PPM1E: variants seen among roughly 807,000 people sequenced by gnomAD.
The protein encoded by PPM1E is protein phosphatase 1E.
Under a neutral mutation model 65.9 loss-of-function variants are expected in PPM1E, and 20 were observed. That is an observed-to-expected ratio of 0.30 (90% CI 0.21 to 0.44). The LOEUF (loss-of-function observed/expected upper bound fraction) is 0.44, where lower values mean the gene tolerates loss of function less well. Ranked by LOEUF, PPM1E falls within the 20% of genes least tolerant of loss-of-function variation. The pLI is 1.00. For missense variants in PPM1E, 713 were observed against 953.1 expected, an observed-to-expected ratio of 0.75 and a Z score of 3.32; for synonymous variants, 352 against 374.9, an observed-to-expected ratio of 0.94 and a Z score of 0.70.
intron 1 of PPM1E, among the ~76,000 whole-genome samples, chr17:58,837,003 G>A (rs1164417896): frequency 7.3e-6 from 1 of 136,450 alleles, no homozygotes; most frequent in African/African-American, 2.7e-5. Flanking sequence ...CTGGGCGACA[G>A]AGCGAAACTC....
chr17:58,872,288 G>A (rs1250477160), intron 1 of PPM1E, among the ~76,000 whole-genome samples: 2 of 152,106 alleles, frequency 1.3e-5, no homozygotes, highest in South Asian at 2.1e-4. Context: ...TAAAGTGAGA[G>A]GCTGTCTCAA....
chr17:58,868,915 C>A (rs895482439), intron 1 of PPM1E, among the ~76,000 whole-genome samples: 5 of 152,082 alleles, frequency 3.3e-5, no homozygotes, highest in African/African-American at 1.2e-4. Context: ...ATCTGTAATC[C>A]CAGCACTTTG....
intron 1 of PPM1E, among the ~76,000 whole-genome samples, chr17:58,885,450 T>C (rs2051254540): frequency 6.6e-6 from 1 of 152,250 alleles, no homozygotes; most frequent in South Asian, 2.1e-4. Context: ...TGACCTTTGG[T>C]AGTTTGTGCA....
At chr17:58,842,315 A>G (rs1567850770) in intron 1 of PPM1E, among the ~76,000 whole-genome samples, 2 of 152,224 alleles carry the variant, frequency 1.3e-5, no homozygotes, top group Admixed American at 6.5e-5. Flanking sequence ...GGGATCCTGG[A>G]ACAGAAAAAG....
At chr17:58,812,857 G>A (rs939682458) in intron 1 of PPM1E, among the ~76,000 whole-genome samples, 2 of 152,074 alleles carry the variant, frequency 1.3e-5, no homozygotes, top group Admixed American at 6.6e-5. Flanking sequence ...ATGAGCCACC[G>A]TGCCCAGCCA....
chr17:58,958,041 G>C (rs1328032975), intron 2 of PPM1E, among the ~76,000 whole-genome samples: 1 of 152,096 alleles, frequency 6.6e-6, no homozygotes, highest in Non-Finnish European at 1.5e-5. Flanking sequence ...CACTTGGGAG[G>C]CTGAGGTAGG....
chr17:58,801,733 G>A (rs1478336588), intron 1 of PPM1E, among the ~76,000 whole-genome samples: 4 of 151,382 alleles, frequency 2.6e-5, no homozygotes, highest in South Asian at 2.1e-4. Context: ...GAGCCACCAC[G>A]CTCGGCTCCC....
chr17:58,764,090 G>A (rs2049849831), intron 1 of PPM1E, among the ~76,000 whole-genome samples: 1 of 151,652 alleles, frequency 6.6e-6, no homozygotes, highest in Non-Finnish European at 1.5e-5. Flanking sequence ...ATTTCAACAT[G>A]TAATCCATAT....
chr17:58,980,324 A>G lies in PPM1E; in HGVS notation c.1561A>G (p.Asn521Asp). The G allele has an allele frequency of 1.2e-6, 2 of 1,614,078 alleles. No individual in the cohort carries two copies. The highest frequency in any genetic ancestry group is 1.7e-6 in the Non-Finnish European group (2 of 1,180,012). The change falls in exon 7 of 7, where the codon AAT becomes GAT. Residue 521 changes from asparagine (N) to aspartate (D), a missense_variant. Transcript: ENST00000308249. The surrounding 1 kb of genome is among the most constrained non-coding windows in gnomAD (Gnocchi z 4.7). ...GQEDGGDDKENHGECKRPWPQ... is the reference protein window; with the variant it reads ...GQEDGGDDKEDHGECKRPWPQ... Reference sequence around the variant, plus strand: ...AGAAGATGGTGGGGATGATAAGGAGAATCATGGAGAGTGCAAACGCCCTTG... The same window carrying G: ...AGAAGATGGTGGGGATGATAAGGAGGATCATGGAGAGTGCAAACGCCCTTG...
intron 1 of PPM1E, among the ~76,000 whole-genome samples, chr17:58,865,410 A>G (rs1409678125): frequency 6.6e-6 from 1 of 151,596 alleles, no homozygotes; most frequent in Non-Finnish European, 1.5e-5. Context: ...AACAAAAAAG[A>G]TTATGCAATC....
chr17:58,918,230 C>T (rs1027684206), intron 1 of PPM1E, among the ~76,000 whole-genome samples: 1 of 152,142 alleles, frequency 6.6e-6, no homozygotes, highest in East Asian at 1.9e-4. Context: ...GGTAATTAAG[C>T]TTTTCTGAAG....
At chr17:58,822,559 T>C (rs966210011) in intron 1 of PPM1E, among the ~76,000 whole-genome samples, 2 of 152,126 alleles carry the variant, frequency 1.3e-5, no homozygotes, top group African/African-American at 2.4e-5. Context: ...TCTGGTCTTA[T>C]ACTAGGATTA....
chr17:58,925,472 G>C (rs1318370354), intron 1 of PPM1E, among the ~76,000 whole-genome samples: 1 of 151,630 alleles, frequency 6.6e-6, no homozygotes, highest in African/African-American at 2.4e-5. Context: ...AGGGAGTCTC[G>C]CTCTGTCACC....
chr17:58,830,762 T>C (rs1397342344), intron 1 of PPM1E, among the ~76,000 whole-genome samples: 11 of 152,014 alleles, frequency 7.2e-5, no homozygotes, highest in Non-Finnish European at 1.6e-4. Flanking sequence ...CTTGGCTCAC[T>C]GCAACCTCTG....
At chr17:58,967,031 T>G (rs1202700547) in intron 3 of PPM1E, among the ~76,000 whole-genome samples, 1 of 152,222 alleles carries the variant, frequency 6.6e-6, no homozygotes, top group African/African-American at 2.4e-5. Flanking sequence ...TACTCATATT[T>G]GGGGCATTGT....
At chr17:58,796,520 T>C (rs1273381663) in intron 1 of PPM1E, among the ~76,000 whole-genome samples, 1 of 152,216 alleles carries the variant, frequency 6.6e-6, no homozygotes, top group Non-Finnish European at 1.5e-5. Context: ...TCTACTTGCC[T>C]TGGCCTCCCA....
intron 1 of PPM1E, among the ~76,000 whole-genome samples, chr17:58,881,037 A>C (rs1010731600): frequency 5.3e-5 from 8 of 152,168 alleles, no homozygotes; most frequent in African/African-American, 1.9e-4. Context: ...CGCAGCAAGT[A>C]AAGTCATTAT....
intron 6 of PPM1E, among the ~76,000 whole-genome samples, chr17:58,976,179 G>A (rs1008452285): frequency 7.9e-5 from 12 of 152,146 alleles, no homozygotes; most frequent in Non-Finnish European, 1.5e-4. Context: ...AATTGAAGAC[G>A]AGAGAGTAGA....
At chr17:58,912,419 T>C (rs1033065205) in intron 1 of PPM1E, among the ~76,000 whole-genome samples, 6 of 152,156 alleles carry the variant, frequency 3.9e-5, no homozygotes, top group Non-Finnish European at 2.9e-5. Flanking sequence ...CTGAAGAACA[T>C]TTGTTCCAGG....
Sources: gnomAD v4.1 joint callset for allele counts (sites outside exome capture counted in the v4.1 genomes callset) on GRCh38, gnomAD v4.1.1 for gene constraint, Gnocchi (gnomAD v3.1) non-coding constraint, MANE v1.5 for transcripts, NCBI Gene and HGNC (gene_info 2026-07-23, HGNC 2026-07-21) for gene names.